CACNA1I: variants seen among roughly 807,000 people sequenced by gnomAD.
CACNA1I encodes the protein voltage-dependent T-type calcium channel subunit alpha-1I.
Under a neutral mutation model 201.6 loss-of-function variants are expected in CACNA1I, and 74 were observed. The observed-to-expected ratio is 0.37, with a 90% confidence interval of 0.30 to 0.45. The LOEUF is 0.45. CACNA1I is among the 20% of genes least tolerant of loss of function. The pLI is 1.00. For missense variants in CACNA1I, 2,346 were observed against 3,138.1 expected, an observed-to-expected ratio of 0.75 and a Z score of 6.03; for synonymous variants, 1,431 against 1,345.2, an observed-to-expected ratio of 1.06 and a Z score of -1.40.
intron 4 of CACNA1I, among the ~76,000 whole-genome samples, chr22:39,620,187 C>T (rs985183975): frequency 7.0e-6 from 1 of 143,012 alleles, no homozygotes; most frequent in Non-Finnish European, 1.5e-5. Flanking sequence ...ATCCACTCAT[C>T]CATCCATTCA....
At chr22:39,634,985 A>C (rs1034879348) in intron 5 of CACNA1I, among the ~76,000 whole-genome samples, 7 of 152,158 alleles carry the variant, frequency 4.6e-5, no homozygotes, top group African/African-American at 1.7e-4. Flanking sequence ...TGAGTCATCC[A>C]GGAAGGGTGA....
At position 39,662,235 on chromosome 22, in the gene CACNA1I, T is replaced by G; in HGVS notation, c.3172T>G (p.Ser1058Ala). The change falls in exon 17 of 37, where the codon TCC (serine) becomes GCC (alanine). Residue 1058 changes from serine to alanine, a missense_variant. Physicochemically the swap from Ser to Ala is moderately conservative, Grantham distance 99. This residue lies in a region of CACNA1I where 288 missense variants were observed against 255.2 expected (regional missense o/e 1.13). Transcript: ENST00000402142. ...CCACCGCCACCACCGCCGGACGCTG[T>G]CCCTCGACAACAGGGACTCGGTGGA... Reference protein sequence around the residue: ...HRHRHHRRTLSLDNRDSVDLA... With the variant: ...HRHRHHRRTLALDNRDSVDLA... 6.5e-7 allele frequency: 1 copy of G among 1,528,588 alleles called. No individual in the cohort carries two copies. The highest frequency in any genetic ancestry group is 8.8e-7 in the Non-Finnish European group (1 of 1,142,124). The allele number at this position is 1,528,588 out of a possible 1,614,324, so 94.7% of individuals were successfully genotyped here. A position where few individuals can be genotyped will look rare whatever the true frequency, so the allele number is the denominator to read the frequency against.
At position 39,649,231 on chromosome 22, in the gene CACNA1I, C is replaced by T. The variant is rs375022292; in HGVS notation, c.1568-270C>T. Among the ~76,000 whole-genome samples the T allele has an allele frequency of 1.6e-3, 238 of 152,318 alleles. No homozygotes were observed. The highest frequency in any genetic ancestry group is 5.4e-3 in the African/African-American group (223 of 41,576). ...GTCAGCACGGATGCGCGCCCTGCAC[C>T]GTGCTGGGCCCATCATGTGCCTTAA... On this transcript the variant is annotated intron_variant, in intron 9 of 36. Transcript: ENST00000402142. This position sits in a 1 kb window ranked among gnomAD's most constrained non-coding sequence, Gnocchi z 7.3.
At chr22:39,657,938 C>G (rs1409895291) in intron 10 of CACNA1I, among the ~76,000 whole-genome samples, 1 of 152,246 alleles carries the variant, frequency 6.6e-6, no homozygotes, top group Admixed American at 6.5e-5. Context: ...GTGGGGTCCC[C>G]CAACCCTCAC....
intron 3 of CACNA1I, among the ~76,000 whole-genome samples, chr22:39,617,995 A>G (rs1003224527): frequency 1.3e-5 from 2 of 151,132 alleles, no homozygotes; most frequent in African/African-American, 4.9e-5. Context: ...TGCATGTATG[A>G]GGATGTCCAA....
chr22:39,686,320 TG>T lies in CACNA1I; in HGVS notation c.6590del (p.Gly2197AlafsTer75). 7.7e-7 allele frequency: 1 copy of T among 1,302,874 alleles called. No individual in the cohort carries two copies. The highest frequency in any genetic ancestry group is 2.0e-5 in the South Asian group (1 of 49,928). The allele number at this position is 1,302,874 out of a possible 1,614,324, so 80.7% of individuals were successfully genotyped here. On this transcript the variant is annotated frameshift_variant, in exon 37 of 37. Coordinates refer to ENST00000402142, the MANE Select transcript of CACNA1I (RefSeq NM_021096.4). LOFTEE classifies it high-confidence loss of function. ...CCCCCCGGCCGGGCACCGCTGCCCA[TG>T]GGCCTGGGCCCCTTGGCGCCCCCGC... is the stretch of plus-strand genomic sequence containing the variant. ...KDPPGRAPLP[M>X]GLGPLAPPPQ...
chr22:39,577,445 C>T (rs1027471966), intron 1 of CACNA1I, among the ~76,000 whole-genome samples: 12 of 152,240 alleles, frequency 7.9e-5, no homozygotes, highest in South Asian at 2.1e-4. Flanking sequence ...GAGGCCAGGG[C>T]GCCCGGTCTC....
chr22:39,620,697 G>A (rs78634990), intron 4 of CACNA1I, among the ~76,000 whole-genome samples: 4,529 of 152,194 alleles, frequency 0.03, 189 homozygotes, highest in African/African-American at 0.1. Context: ...GGGAAAGAGA[G>A]GATGAGGGCC....
In CACNA1I at chr22:39,648,559, G is replaced by C. The variant is rs1426356356; in HGVS notation, c.1567+633G>C. 6.6e-6 allele frequency among the ~76,000 whole-genome samples: 1 copy of C among 152,114 alleles called. No individual in the cohort carries two copies. Reference sequence around the variant, plus strand: ...GATGGGACTGACCCCTGGGTTCCTGGCTGCCCGCCCTGACTCCAGAGGTGT... The same window carrying C: ...GATGGGACTGACCCCTGGGTTCCTGCCTGCCCGCCCTGACTCCAGAGGTGT... On this transcript the variant is annotated intron_variant, in intron 9 of 36. Coordinates refer to ENST00000402142, the MANE Select transcript of CACNA1I (RefSeq NM_021096.4). This position sits in a 1 kb window ranked among gnomAD's most constrained non-coding sequence, Gnocchi z 5.4.
rs767673845 is a variant in CACNA1I, at chr22:39,670,783, TC to T, written c.4388-15del. ...CCCAACCCTCTGTGGTCTTTGCCAC[TC>T]CCCCTGCACCACCTGCAGAGGCCCA... is the stretch of plus-strand genomic sequence containing the variant. On this transcript the variant is annotated intron_variant, in intron 25 of 36. Coordinates refer to ENST00000402142, the MANE Select transcript of CACNA1I (RefSeq NM_021096.4). 11 of 1,612,138 alleles carry T rather than the reference TC, an allele frequency of 6.8e-6. No homozygotes were observed. Among genetic ancestry groups the T allele is most frequent in the Middle Eastern group, 1.6e-4 (1 of 6,068 alleles).
intron 29 of CACNA1I, among the ~76,000 whole-genome samples, chr22:39,675,796 T>G (rs1237811524): frequency 6.6e-6 from 1 of 151,752 alleles, no homozygotes; most frequent in Non-Finnish European, 1.5e-5. Flanking sequence ...AGATAGAGGG[T>G]CCTCCCTGCA....
At chr22:39,616,117 G>A (rs1933528679) in intron 3 of CACNA1I, among the ~76,000 whole-genome samples, 1 of 152,222 alleles carries the variant, frequency 6.6e-6, no homozygotes, top group Non-Finnish European at 1.5e-5. Context: ...GGTCATGTAT[G>A]GCGTGAAGGA....
chr22:39,619,949 A>ATCCG (rs1179238541), intron 4 of CACNA1I, among the ~76,000 whole-genome samples: 1 of 147,874 alleles, frequency 6.8e-6, no homozygotes, highest in Admixed American at 6.7e-5. Context: ...CCATCCATCC[A>ATCCG]TCCGTCCGTC....
At position 39,677,993 on chromosome 22, in the gene CACNA1I, A is replaced by G; in HGVS notation, c.4940A>G (p.Asn1647Ser). 2.5e-6 allele frequency: 4 copies of G among 1,590,146 alleles called. No individual in the cohort carries two copies. The highest frequency in any genetic ancestry group is 3.4e-6 in the Non-Finnish European group (4 of 1,168,880). Residue 1647 changes from asparagine to serine, a missense_variant, in exon 31 of 37, where the codon AAC becomes AGC. Physicochemically the swap from Asn to Ser is conservative, Grantham distance 46. Transcript: ENST00000402142. The surrounding 1 kb of genome is among the most constrained non-coding windows in gnomAD (Gnocchi z 4.8). ...ACCTCCTCCCCGCTTCCAGTCTGCA[A>G]CGACGAGAACCCGTGCGAGGGCATG... ...GVELFGKLVC[N>S]DENPCEGMSR...
intron 5 of CACNA1I, among the ~76,000 whole-genome samples, 173 bp from the exon 6 acceptor site, chr22:39,640,694 T>C (rs1485250314): frequency 6.6e-6 from 1 of 152,080 alleles, no homozygotes. Flanking sequence ...GTGGGGGTTT[T>C]CATGGCCATA....
chr22:39,632,020 C>T (rs772956908), intron 4 of CACNA1I, among the ~76,000 whole-genome samples: 15 of 151,860 alleles, frequency 9.9e-5, no homozygotes, highest in African/African-American at 1.5e-4. Flanking sequence ...TGAGGCGGGT[C>T]GGGGAGGAGG....
At chr22:39,669,101 G>A (rs1219061785) in intron 24 of CACNA1I, among the ~76,000 whole-genome samples, 3 of 152,138 alleles carry the variant, frequency 2.0e-5, no homozygotes, top group Non-Finnish European at 4.4e-5. Context: ...GCTGACCAAG[G>A]TTGGCTGTGT....
rs1261022497 is a variant in CACNA1I at position 39,648,203 on chromosome 22, G to A, written c.1567+277G>A. Among the ~76,000 whole-genome samples, 4 of 152,072 alleles carry A rather than the reference G, an allele frequency of 2.6e-5. No individual in the cohort carries two copies. Among genetic ancestry groups the A allele is most frequent in the South Asian group, 4.1e-4 (2 of 4,824 alleles). On this transcript the variant is annotated intron_variant, in intron 9 of 36. Transcript: ENST00000402142. The surrounding 1 kb of genome is among the most constrained non-coding windows in gnomAD (Gnocchi z 5.4). ...TTGGGAGGCAAGCAGAAGAATGCAC[G>A]CTCAGAGCTGCCGCCCACCCGTCCT...
In CACNA1I at chr22:39,664,065, C is replaced by T. The variant is rs1421883033; in HGVS notation, c.3598-26C>T. 3 of 1,609,136 alleles carry T rather than the reference C, an allele frequency of 1.9e-6. No homozygotes were observed. The South Asian group carries it at 3.3e-5, about 18-fold the overall frequency. The stretch of plus-strand genomic sequence containing the variant: ...CCGGGCAGCTCTGGGAGCCCCTGAG[C>T]CTATGGTATCTCCCGATGCTTTCAG... On this transcript the variant is annotated intron_variant, in intron 19 of 36. Coordinates refer to ENST00000402142, the MANE Select transcript of CACNA1I (RefSeq NM_021096.4).
Sources: allele counts gnomAD v4.1 joint callset (sites outside exome capture counted in the v4.1 genomes callset), GRCh38; gene constraint gnomAD v4.1.1; regional missense constraint gnomAD v4.1.1; non-coding constraint Gnocchi (gnomAD v3.1); transcripts MANE v1.5; gene names NCBI Gene and HGNC (gene_info 2026-07-23, HGNC 2026-07-21).